The following NDUFAF5 variants were observed in gnomAD, a reference collection of about 807,000 sequenced individuals.
NDUFAF5 encodes arginine-hydroxylase NDUFAF5, mitochondrial.
Under a neutral mutation model 48.9 loss-of-function variants are expected in NDUFAF5, and 34 were observed. The ratio of observed to expected loss-of-function variants is 0.70; its 90% CI spans 0.53 to 0.93. The LOEUF (loss-of-function observed/expected upper bound fraction) is 0.93. Among genes scored for constraint, NDUFAF5 ranks in the 40% least tolerant of loss-of-function variants. NDUFAF5 has a pLI of 0.00. For missense variants in NDUFAF5, 428 were observed against 427.5 expected (o/e 1.00, Z -0.01); for synonymous variants, 153 against 150.6 (o/e 1.02, Z -0.12).
At chr20:13,785,316 C>T (rs1354218508) in intron 1 of NDUFAF5, 26 bp downstream of exon 1, 6 of 1,395,520 alleles carry the variant, frequency 4.3e-6, no homozygotes, top group African/African-American at 2.7e-5. Context: ...GGCGGGGCGG[C>T]GGGGCGGGCG....
In NDUFAF5 at chr20:13,819,039, A is replaced by G. The variant is rs1274789104; in HGVS notation, c.*1829A>G. The G allele has an allele frequency of 6.6e-6, 1 of 152,258 alleles. No homozygotes were observed. The highest frequency in any genetic ancestry group is 1.5e-5 in the Non-Finnish European group (1 of 68,048). 9.4% of individuals were successfully genotyped at this position (152,258 alleles called of 1,614,324 possible). On this transcript the variant is annotated 3_prime_UTR_variant, in exon 11 of 11. Transcript: ENST00000378106. ...CCAAAAAAAGCTCCATTTGTTTAAA[A>G]AAATTAAGTAAATCAAACACAGCTA... is the stretch of plus-strand genomic sequence containing the variant.
At position 13,817,681 on chromosome 20, in the gene NDUFAF5, A is replaced by ATTTC. The variant is rs1293568210; in HGVS notation, c.*475_*478dup. ...TTTTAAAGCATCTGAATTTAACCTT[A>ATTTC]TTTCTTTTTTATCTCCATGGTGTGG... On this transcript the variant is annotated 3_prime_UTR_variant, in exon 11 of 11. Transcript: ENST00000378106. 4.4e-6 allele frequency: 2 copies of ATTTC among 453,968 alleles called. No homozygotes were observed. Among genetic ancestry groups the ATTTC allele is most frequent in the Non-Finnish European group, 8.8e-6 (2 of 226,792 alleles). 28.1% of individuals were successfully genotyped at this position (453,968 alleles called of 1,614,324 possible).
Position 13,818,596 on chromosome 20 carries a change from C to A in NDUFAF5, c.*1386C>A. The A allele has an allele frequency of 4.3e-6, 1 of 233,326 alleles. No individual in the cohort carries two copies. Among genetic ancestry groups the A allele is most frequent in the South Asian group, 5.5e-5 (1 of 18,162 alleles). The allele number at this position is 233,326 out of a possible 1,614,324, so 14.5% of individuals were successfully genotyped here. ...GGAGTTCAAGGCTGCAGTGAGCTGTCTGTGCCACGGCACTCCAACCTGGGC... is the reference window on the plus strand; with the variant it reads ...GGAGTTCAAGGCTGCAGTGAGCTGTATGTGCCACGGCACTCCAACCTGGGC... On this transcript the variant is annotated 3_prime_UTR_variant, in exon 11 of 11. Coordinates refer to ENST00000378106, the MANE Select transcript of NDUFAF5 (RefSeq NM_024120.5).
chr20:13,808,707 C>A, intron 7 of NDUFAF5, 135 bp from the exon 8 acceptor site: 1 of 626,208 alleles, frequency 1.6e-6, no homozygotes, highest in Non-Finnish European at 2.8e-6. Flanking sequence ...AGCCAGATGA[C>A]ATCTATGAAG....
rs201512731 is a variant in NDUFAF5, at chr20:13,801,562, G to T, written c.596G>T (p.Cys199Phe). The change falls in exon 7 of 11, where the codon TGT (cysteine) becomes TTT (phenylalanine). Residue 199 changes from cysteine (C) to phenylalanine (F), a missense_variant. By Grantham distance (205) the Cys-to-Phe change is radical (BLOSUM62 -2). Coordinates refer to ENST00000378106, the MANE Select transcript of NDUFAF5 (RefSeq NM_024120.5). Reference protein sequence around the residue: ...FGGDTLYELRCSLQLAETERE... With the variant: ...FGGDTLYELRFSLQLAETERE... ...GGCGACACACTCTATGAACTTCGGT[G>T]TTCCTTACAGTTAGCGGAAACGGAA... The T allele has an allele frequency of 6.2e-7, 1 of 1,613,926 alleles. No individual in the cohort carries two copies.
intron 7 of NDUFAF5, among the ~76,000 whole-genome samples, chr20:13,803,802 G>GT (rs1292719208): frequency 1.3e-5 from 2 of 150,694 alleles, no homozygotes; most frequent in Non-Finnish European, 3.0e-5. Context: ...TTTTTTTTGG[G>GT]GGGGGGACAG....
chr20:13,799,734 C>A (rs1440492919), intron 6 of NDUFAF5, among the ~76,000 whole-genome samples: 2 of 150,268 alleles, frequency 1.3e-5, no homozygotes, highest in Non-Finnish European at 3.0e-5. Context: ...ATGCCTGGAG[C>A]AGTTCGTTAA....
intron 7 of NDUFAF5, among the ~76,000 whole-genome samples, chr20:13,802,993 A>C (rs78855380): frequency 1.1e-3 from 170 of 152,340 alleles, no homozygotes; most frequent in African/African-American, 3.9e-3. Flanking sequence ...TGATTAGTGG[A>C]AATAGGAATT....
intron 7 of NDUFAF5, among the ~76,000 whole-genome samples, chr20:13,806,853 A>ACCTATATAT (rs1985085630): frequency 1.3e-5 from 2 of 152,176 alleles, no homozygotes; most frequent in African/African-American, 4.8e-5. Context: ...TAAGGTATAT[A>ACCTATATAT]TAGAGAGAGT....
chr20:13,797,960 C>T (rs1983503427), intron 5 of NDUFAF5, among the ~76,000 whole-genome samples: 1 of 152,062 alleles, frequency 6.6e-6, no homozygotes, highest in Non-Finnish European at 1.5e-5. Context: ...TTGGAAAACT[C>T]ACAGATTCAA....
intron 3 of NDUFAF5, among the ~76,000 whole-genome samples, chr20:13,790,021 G>A (rs929445347): frequency 6.6e-6 from 1 of 152,100 alleles, no homozygotes; most frequent in Non-Finnish European, 1.5e-5. Flanking sequence ...TTGAGTTGGT[G>A]GTTCCTAGCA....
intron 5 of NDUFAF5, among the ~76,000 whole-genome samples, chr20:13,798,251 A>G (rs562267260): frequency 6.6e-6 from 1 of 152,338 alleles, no homozygotes; most frequent in South Asian, 2.1e-4. Context: ...ATATATTGAC[A>G]TGGGGAATTT....
In NDUFAF5 at chr20:13,817,480, A is replaced by G. The variant is rs775912400; in HGVS notation, c.*270A>G. The G allele has an allele frequency of 8.9e-6, 5 of 560,380 alleles. No homozygotes were observed. The highest frequency in any genetic ancestry group is 2.2e-5 in the Admixed American group (1 of 45,880). The allele number at this position is 560,380 out of a possible 1,614,324, so 34.7% of individuals were successfully genotyped here. A position where few individuals can be genotyped will look rare whatever the true frequency, so the allele number is the denominator to read the frequency against. ...TAAAATATTTGCAAATAATGTTCACATATGTAAATGCCTTGGAAAATATTA... is the reference window on the plus strand; with the variant it reads ...TAAAATATTTGCAAATAATGTTCACGTATGTAAATGCCTTGGAAAATATTA... On this transcript the variant is annotated 3_prime_UTR_variant, in exon 11 of 11. Transcript: ENST00000378106.
rs1980681320 is a variant in NDUFAF5, at chr20:13,785,048, C to T, written c.-21C>T. ...GGCGCATGCGCACAAAAAGCGCCGG[C>T]AATTGGGGTCGCAGCTGGAGATGCT... On this transcript the variant is annotated 5_prime_UTR_variant, in exon 1 of 11. Coordinates refer to ENST00000378106, the MANE Select transcript of NDUFAF5 (RefSeq NM_024120.5). 10 of 1,602,816 alleles carry T rather than the reference C, an allele frequency of 6.2e-6. No homozygotes were observed. The highest frequency in any genetic ancestry group is 6.8e-6 in the Non-Finnish European group (8 of 1,176,014).
chr20:13,795,008 T>A (rs1982964918), intron 5 of NDUFAF5, 67 bp downstream of exon 5: 1 of 1,157,390 alleles, frequency 8.6e-7, no homozygotes. Context: ...AGTTTTGCTA[T>A]GAGGCCAGGA....
chr20:13,785,319 G>T, intron 1 of NDUFAF5, 29 bp downstream of exon 1: 1 of 1,541,460 alleles, frequency 6.5e-7, no homozygotes. Flanking sequence ...GGGGCGGCGG[G>T]GCGGGCGACG....
chr20:13,793,096 G>A (rs1982571933), intron 3 of NDUFAF5, 84 bp from the exon 4 acceptor site: 1 of 1,448,232 alleles, frequency 6.9e-7, no homozygotes, highest in East Asian at 2.3e-5. Flanking sequence ...AAATTAAAAT[G>A]TAATTAACAC....
At chr20:13,817,001 T>A (rs371758169) in intron 10 of NDUFAF5, 44 bp downstream of exon 10, 97 of 1,555,698 alleles carry the variant, frequency 6.2e-5, no homozygotes, top group Non-Finnish European at 8.0e-5. Context: ...GGGTTCGTGT[T>A]CAGATTATTG....
intron 5 of NDUFAF5, among the ~76,000 whole-genome samples, chr20:13,795,220 T>G (rs1983003247): frequency 6.6e-6 from 1 of 152,230 alleles, no homozygotes; most frequent in Non-Finnish European, 1.5e-5. Context: ...CCAGTGCATC[T>G]TAATATTTTG....
Sources: gnomAD v4.1 joint callset for allele counts (sites outside exome capture counted in the v4.1 genomes callset) on GRCh38, gnomAD v4.1.1 for gene constraint, MANE v1.5 for transcripts, NCBI Gene and HGNC (gene_info 2026-07-23, HGNC 2026-07-21) for gene names.